GPATCH2: variants seen among roughly 807,000 people sequenced by gnomAD.
GPATCH2 encodes G-patch domain containing 2.
A neutral mutation model predicts 58.0 loss-of-function variants in GPATCH2; 51 were observed. That is an observed-to-expected ratio of 0.88 (90% confidence interval 0.70 to 1.11). GPATCH2 has a LOEUF of 1.11. Among genes scored for constraint, GPATCH2 ranks in the 50% most tolerant of loss-of-function variants. The pLI is 0.00. For missense variants in GPATCH2, 625 were observed against 652.2 expected, an observed-to-expected ratio of 0.96 and a Z score of 0.45; for synonymous variants, 222 against 218.5, an observed-to-expected ratio of 1.02 and a Z score of -0.14.
At chr1:217,436,786 T>G (rs1450905824) in intron 9 of GPATCH2, among the ~76,000 whole-genome samples, 6 of 152,184 alleles carry the variant, frequency 3.9e-5, no homozygotes, top group Non-Finnish European at 8.8e-5. Context: ...TTTGGAGAGA[T>G]AATTCAGCTG....
At chr1:217,569,088 T>G (rs1666410898) in intron 5 of GPATCH2, among the ~76,000 whole-genome samples, 1 of 150,530 alleles carries the variant, frequency 6.6e-6, no homozygotes. Flanking sequence ...GTTTATAGTA[T>G]GAACAACTAA....
intron 8 of GPATCH2, among the ~76,000 whole-genome samples, chr1:217,458,221 C>T (rs903749981): frequency 3.3e-5 from 5 of 152,050 alleles, no homozygotes; most frequent in African/African-American, 9.7e-5. Flanking sequence ...CAGAGCGAAA[C>T]TCCGTCTCAA....
chr1:217,540,600 C>A (rs1664690734), intron 5 of GPATCH2, among the ~76,000 whole-genome samples: 1 of 152,120 alleles, frequency 6.6e-6, no homozygotes, highest in Non-Finnish European at 1.5e-5. Context: ...CTAAAGTACA[C>A]AGTGTTTGCA....
intron 8 of GPATCH2, among the ~76,000 whole-genome samples, chr1:217,476,235 A>AGAGTGTGTGTGTGTGT (rs1169771046): frequency 2.1e-5 from 3 of 146,286 alleles, no homozygotes; most frequent in Non-Finnish European, 3.0e-5. Context: ...TCCAGATATG[A>AGAGTGTGTGTGTGTGT]GTGTGTGTGT....
chr1:217,621,795 A>T (rs1669203123), intron 1 of GPATCH2, among the ~76,000 whole-genome samples: 2 of 152,200 alleles, frequency 1.3e-5, no homozygotes, highest in African/African-American at 2.4e-5. Context: ...AACAACACAC[A>T]TTGTGATTCA....
intron 9 of GPATCH2, among the ~76,000 whole-genome samples, chr1:217,439,835 T>C (rs535442432): frequency 2.0e-5 from 3 of 152,188 alleles, no homozygotes; most frequent in African/African-American, 4.8e-5. Context: ...AATCCCTGAA[T>C]AGACTAATAA....
At chr1:217,524,821 G>A (rs1312166888) in intron 5 of GPATCH2, among the ~76,000 whole-genome samples, 2 of 120,358 alleles carry the variant, frequency 1.7e-5, no homozygotes, top group African/African-American at 5.9e-5. Context: ...GTACAGTCCA[G>A]CTTCGGCTTG....
chr1:217,472,977 G>A (rs1420646453), intron 8 of GPATCH2, among the ~76,000 whole-genome samples: 1 of 152,090 alleles, frequency 6.6e-6, no homozygotes, highest in African/African-American at 2.4e-5. Context: ...ATATAACCCA[G>A]GGCATGCTAA....
At chr1:217,580,555 C>T (rs907006694) in intron 5 of GPATCH2, among the ~76,000 whole-genome samples, 2 of 152,148 alleles carry the variant, frequency 1.3e-5, no homozygotes, top group African/African-American at 4.8e-5. Context: ...TGCTCACCTC[C>T]TACTATAATT....
intron 5 of GPATCH2, among the ~76,000 whole-genome samples, chr1:217,548,459 G>A (rs2102661363): frequency 6.6e-6 from 1 of 152,302 alleles, no homozygotes; most frequent in South Asian, 2.1e-4. Flanking sequence ...TAAGACACCT[G>A]CTTCTCTCAA....
intron 8 of GPATCH2, among the ~76,000 whole-genome samples, chr1:217,487,071 C>A (rs1661485310): frequency 2.0e-5 from 3 of 152,338 alleles, no homozygotes; most frequent in East Asian, 3.9e-4. Context: ...ATATTTTATT[C>A]TCCCTGTATT....
intron 8 of GPATCH2, among the ~76,000 whole-genome samples, chr1:217,489,559 T>C (rs1661619790): frequency 6.6e-6 from 1 of 152,232 alleles, no homozygotes; most frequent in Admixed American, 6.5e-5. Flanking sequence ...TTGTTTTAGA[T>C]TGCCTTTAAG....
At chr1:217,611,240 G>T (rs956657437) in intron 3 of GPATCH2, among the ~76,000 whole-genome samples, 169 bp from the exon 4 acceptor site, 2 of 152,000 alleles carry the variant, frequency 1.3e-5, no homozygotes, top group Admixed American at 1.3e-4. Flanking sequence ...ATTTTTGGTG[G>T]AAATATGTCT....
At chr1:217,435,623 T>C (rs1328940904) in intron 9 of GPATCH2, among the ~76,000 whole-genome samples, 1 of 152,204 alleles carries the variant, frequency 6.6e-6, no homozygotes, top group East Asian at 1.9e-4. Context: ...TTTCTTCCCA[T>C]ACTCTTTTCA....
At chr1:217,451,322 A>G (rs1323945948) in intron 8 of GPATCH2, among the ~76,000 whole-genome samples, 1 of 152,094 alleles carries the variant, frequency 6.6e-6, no homozygotes, top group East Asian at 1.9e-4. Context: ...CTATTTTACA[A>G]CTCTACCTTG....
chr1:217,496,643 A>G (rs1320599208), intron 7 of GPATCH2, among the ~76,000 whole-genome samples: 2 of 152,326 alleles, frequency 1.3e-5, no homozygotes, highest in Admixed American at 1.3e-4. Flanking sequence ...GTTGGCCCTG[A>G]GTTCGATGTT....
chr1:217,435,660 G>A (rs574472186), intron 9 of GPATCH2, among the ~76,000 whole-genome samples: 2 of 152,248 alleles, frequency 1.3e-5, no homozygotes, highest in Admixed American at 1.3e-4. Context: ...CAGCTGAGGG[G>A]CTGGGCTATT....
rs760906807 is a variant in GPATCH2 at position 217,533,023 on chromosome 1, G to A, written c.1099-18134C>T. 8.0e-5 allele frequency among the ~76,000 whole-genome samples: 12 copies of A among 150,480 alleles called. 1 individual carries two copies. In the South Asian group the frequency reaches 1.3e-3, roughly 16 times the overall value. On this transcript the variant is annotated intron_variant, in intron 5 of 9. Coordinates refer to ENST00000366935, the MANE Select transcript of GPATCH2 (RefSeq NM_018040.5). ...AAGTGATCCTCCCACCTCAGCCTCC[G>A]GAGTAGCTGGGACTACAGATGCATA...
chr1:217,427,393 T>A lies in GPATCH2; in HGVS notation c.*3752A>T, dbSNP rs1371860601. On this transcript the variant is annotated 3_prime_UTR_variant, in exon 10 of 10. Coordinates refer to ENST00000366935, the MANE Select transcript of GPATCH2 (RefSeq NM_018040.5). The stretch of plus-strand genomic sequence containing the variant: ...AGATATTGAAATTTTTCGCTGAACT[T>A]AACTGCACTATTAAATGATAATTGT... 1 of 152,158 alleles carries A rather than the reference T, an allele frequency of 6.6e-6. No individual in the cohort carries two copies. The highest frequency in any genetic ancestry group is 1.5e-5 in the Non-Finnish European group (1 of 68,002). The allele number at this position is 152,158 out of a possible 1,614,324, so 9.4% of individuals were successfully genotyped here.
Sources: gnomAD v4.1 joint callset for allele counts (sites outside exome capture counted in the v4.1 genomes callset) on GRCh38, gnomAD v4.1.1 for gene constraint, MANE v1.5 for transcripts, NCBI Gene and HGNC (gene_info 2026-07-23, HGNC 2026-07-21) for gene names.